The following TENT5D variants were observed in gnomAD, a reference collection of about 807,000 sequenced individuals.
The protein encoded by TENT5D is cancer/testis antigen 112.
For missense variants in TENT5D, 191 were observed against 287.0 expected, an observed-to-expected ratio of 0.67 and a Z score of 2.42; for synonymous variants, 103 against 100.6, an observed-to-expected ratio of 1.02 and a Z score of -0.15.
chrX:80,366,284 A>C (rs1356622520), intron 3 of TENT5D, among the ~76,000 whole-genome samples: 1 of 109,830 alleles, frequency 9.1e-6, no homozygotes, highest in African/African-American at 3.3e-5. Flanking sequence ...AGCCTTAATT[A>C]TACAAATTAT....
At chrX:80,371,156 A>G (rs1041941669) in intron 3 of TENT5D, among the ~76,000 whole-genome samples, 8 of 111,918 alleles carry the variant, frequency 7.1e-5, no homozygotes, top group African/African-American at 2.3e-4. Flanking sequence ...CTAGACTGGC[A>G]GTGTCAGCAT....
chrX:80,416,941 T>G (rs1015553596), upstream of TENT5D, among the ~76,000 whole-genome samples: 5 of 111,364 alleles, frequency 4.5e-5, no homozygotes, highest in Admixed American at 3.8e-4. Context: ...TCTAAGTATC[T>G]TTATAGGTTT....
chrX:80,442,806 T>C lies in TENT5D; in HGVS notation c.267T>C (p.Val89=), dbSNP rs749748334. The C allele has an allele frequency of 4.1e-6, 5 of 1,209,657 alleles. No homozygotes were observed. In the South Asian group the frequency reaches 5.3e-5, roughly 13 times the overall value. ...AGGATCTGGACGTTATTTTTGGTGT[T>C]GAGCTTCCAGGTAACGAAGAATTTC... Residue 89 remains valine (V), a synonymous_variant, in exon 3 of 3, where the codon GTT becomes GTC. Coordinates refer to ENST00000308293, the Ensembl canonical transcript of TENT5D.
At chrX:80,404,981 C>T (rs1476704459) in intron 3 of TENT5D, among the ~76,000 whole-genome samples, 1 of 111,701 alleles carries the variant, frequency 9.0e-6, no homozygotes, top group Non-Finnish European at 1.9e-5. Flanking sequence ...TTCTGCAGTG[C>T]ACAGAATATT....
At chrX:80,351,252 C>T (rs1472330922) in intron 3 of TENT5D, among the ~76,000 whole-genome samples, 1 of 109,966 alleles carries the variant, frequency 9.1e-6, no homozygotes, top group Admixed American at 9.7e-5. Context: ...CAACTTGGTT[C>T]AATTCTCCCT....
intron 3 of TENT5D, among the ~76,000 whole-genome samples, chrX:80,358,140 C>T (rs1450239967): frequency 9.0e-6 from 1 of 111,702 alleles, no homozygotes; most frequent in African/African-American, 3.3e-5. Flanking sequence ...GGATCCCTTC[C>T]TTACACCTTA....
At chrX:80,428,831 G>A (rs1310874792) in intron 1 of TENT5D, among the ~76,000 whole-genome samples, 1 of 111,981 alleles carries the variant, frequency 8.9e-6, no homozygotes, top group African/African-American at 3.2e-5. Flanking sequence ...GTCTGACAGA[G>A]CTGAGCTTTA....
chrX:80,375,037 A>T (rs771313598), intron 3 of TENT5D, among the ~76,000 whole-genome samples: 2 of 110,218 alleles, frequency 1.8e-5, no homozygotes, highest in Non-Finnish European at 3.8e-5. Context: ...AACCTGTCTG[A>T]TTTTTTCATT....
At chrX:80,421,324 T>C (rs888639247) in intron 1 of TENT5D, among the ~76,000 whole-genome samples, 10 of 111,573 alleles carry the variant, frequency 9.0e-5, no homozygotes, top group Non-Finnish European at 1.9e-5. Flanking sequence ...TAGCTGGGAC[T>C]ACAGGCATGC....
intron 3 of TENT5D, among the ~76,000 whole-genome samples, chrX:80,349,314 T>C (rs1055611122): frequency 1.8e-5 from 2 of 111,980 alleles, no homozygotes; most frequent in African/African-American, 6.5e-5. Flanking sequence ...GGTAGTCTGT[T>C]AATTACTGCC....
chrX:80,356,209 G>A (rs988039356), intron 3 of TENT5D, among the ~76,000 whole-genome samples: 1 of 112,062 alleles, frequency 8.9e-6, no homozygotes. Context: ...AAGATAGAAG[G>A]CTTAGAAGAG....
intron 3 of TENT5D, among the ~76,000 whole-genome samples, chrX:80,402,977 GTGC>G (rs1931416474): frequency 9.0e-6 from 1 of 111,617 alleles, no homozygotes; most frequent in African/African-American, 3.3e-5. Flanking sequence ...TGAAAGTGGG[GTGC>G]TGAAGCCCCC....
chrX:80,346,387 G>A (rs1392024244), intron 3 of TENT5D, among the ~76,000 whole-genome samples: 1 of 112,011 alleles, frequency 8.9e-6, no homozygotes, highest in Non-Finnish European at 1.9e-5. Context: ...TGTGATAAGC[G>A]TGCTTAACTT....
chrX:80,433,522 C>T (rs770319372), intron 1 of TENT5D, among the ~76,000 whole-genome samples: 8 of 111,798 alleles, frequency 7.2e-5, no homozygotes, highest in Non-Finnish European at 1.1e-4. Flanking sequence ...GGTTTAGGGC[C>T]GAGTGAAAAG....
intron 1 of TENT5D, among the ~76,000 whole-genome samples, chrX:80,423,742 G>C (rs759486488): frequency 3.6e-5 from 4 of 110,478 alleles, no homozygotes; most frequent in Non-Finnish European, 7.6e-5. Flanking sequence ...ACCTACTGGA[G>C]CACCCCATGT....
At chrX:80,381,469 T>C (rs1006719090) in intron 3 of TENT5D, among the ~76,000 whole-genome samples, 5 of 110,875 alleles carry the variant, frequency 4.5e-5, no homozygotes, top group African/African-American at 1.6e-4. Context: ...ATCTTTGTGG[T>C]GTTCTCTGTA....
At chrX:80,351,409 T>G (rs1285766144) in intron 3 of TENT5D, among the ~76,000 whole-genome samples, 1 of 107,307 alleles carries the variant, frequency 9.3e-6, no homozygotes, top group Admixed American at 1.0e-4. Context: ...ATCTTCAGTC[T>G]CTGATATTCT....
chrX:80,375,062 T>G (rs1602196163), intron 3 of TENT5D, among the ~76,000 whole-genome samples: 1 of 111,612 alleles, frequency 9.0e-6, no homozygotes, highest in East Asian at 2.8e-4. Context: ...CCCACATGCA[T>G]GCTTTGTGTA....
chrX:80,403,982 G>T (rs1179302353), intron 3 of TENT5D, among the ~76,000 whole-genome samples: 1 of 111,405 alleles, frequency 9.0e-6, no homozygotes, highest in African/African-American at 3.3e-5. Flanking sequence ...CATTGGTTTG[G>T]TCCGGTAAGG....
Sources: gnomAD v4.1 joint callset for allele counts (sites outside exome capture counted in the v4.1 genomes callset) on GRCh38, gnomAD v4.1.1 for gene constraint, MANE v1.5 for transcripts, NCBI Gene and HGNC (gene_info 2026-07-23, HGNC 2026-07-21) for gene names.